IFT80: variants seen among roughly 807,000 people sequenced by gnomAD.
IFT80 encodes intraflagellar transport 80, also known as intraflagellar transport protein 80 homolog.
In IFT80, 79 loss-of-function variants were observed where a neutral mutation model predicts 107.9. That is an observed-to-expected ratio of 0.73 (90% CI 0.61 to 0.88). The LOEUF (loss-of-function observed/expected upper bound fraction) is 0.88. IFT80 is among the 40% of genes least tolerant of loss of function. The pLI, the probability that IFT80 is intolerant of heterozygous loss-of-function variation, is 0.00. For synonymous variants in IFT80, 299 were observed against 300.9 expected (o/e 0.99, Z 0.07); for missense variants, 797 against 914.2 (o/e 0.87, Z 1.65).
At chr3:160,295,596 C>T (rs1001311664) in intron 12 of IFT80, among the ~76,000 whole-genome samples, 3 of 151,130 alleles carry the variant, frequency 2.0e-5, no homozygotes, top group Non-Finnish European at 4.4e-5. Context: ...GAGACCCCAT[C>T]TCAAAAAAAA....
chr3:160,330,067 TGGAGA>T lies in IFT80; in HGVS notation c.778-10133_778-10129del, dbSNP rs557882052. On this transcript the variant is annotated intron_variant, in intron 8 of 19. Transcript: ENST00000326448. ...CCCCAAGCTATTGAATCTGAATCTC[TGGAGA>T]GGAGAGACAGGAAGCTTTTAACAAG... is the stretch of plus-strand genomic sequence containing the variant. Among the ~76,000 whole-genome samples, 442 of 152,346 alleles carry T rather than the reference TGGAGA, an allele frequency of 2.9e-3. 2 individuals are homozygous for T. The highest frequency in any genetic ancestry group is 0.01 in the African/African-American group (427 of 41,574).
At chr3:160,292,062 G>A (rs1715600240) in intron 12 of IFT80, among the ~76,000 whole-genome samples, 1 of 152,192 alleles carries the variant, frequency 6.6e-6, no homozygotes. Flanking sequence ...CTCAGAGGAA[G>A]GCCCTACACA....
At chr3:160,291,686 G>A (rs1323576538) in intron 12 of IFT80, among the ~76,000 whole-genome samples, 3 of 152,180 alleles carry the variant, frequency 2.0e-5, no homozygotes, top group African/African-American at 7.2e-5. Context: ...GCAGGCCATG[G>A]TCACATGGTC....
intron 19 of IFT80, among the ~76,000 whole-genome samples, chr3:160,263,397 A>G (rs1333845456): frequency 6.6e-6 from 1 of 152,106 alleles, no homozygotes. Context: ...CATTCTCTTG[A>G]TTACAAATCT....
intron 5 of IFT80, among the ~76,000 whole-genome samples, chr3:160,375,160 TA>T (rs1452352450): frequency 7.2e-5 from 11 of 152,258 alleles, no homozygotes; most frequent in African/African-American, 2.6e-4. Context: ...CATACTCAGG[TA>T]AACATTAAAA....
Position 160,291,584 on chromosome 3 carries a change from G to A in IFT80, c.1316-5716C>T, listed in dbSNP as rs556984258. ...GAACATACAACATTTTATTTGTAAG[G>A]CCATTCCTCTGACAGAAGAAGGTGA... On this transcript the variant is annotated intron_variant, in intron 12 of 19. Coordinates refer to ENST00000326448, the MANE Select transcript of IFT80 (RefSeq NM_020800.3). Among the ~76,000 whole-genome samples, 18 of 152,288 alleles carry A rather than the reference G, an allele frequency of 1.2e-4. No individual in the cohort carries two copies. In the South Asian group the frequency reaches 3.5e-3, roughly 30 times the overall value.
At chr3:160,264,462 G>A (rs1425576142) in intron 19 of IFT80, among the ~76,000 whole-genome samples, 2 of 151,320 alleles carry the variant, frequency 1.3e-5, no homozygotes, top group Non-Finnish European at 2.9e-5. Flanking sequence ...TCATTCTGTG[G>A]CCCAGGTTGG....
At chr3:160,374,061 C>A (rs918255001) in intron 5 of IFT80, among the ~76,000 whole-genome samples, 5 of 152,076 alleles carry the variant, frequency 3.3e-5, no homozygotes, top group Admixed American at 3.3e-4. Context: ...AATGGTGAAT[C>A]CACAGGTAGT....
In IFT80 at chr3:160,359,410, G is replaced by A. The variant is rs138495813; in HGVS notation, c.550-1832C>T. Among the ~76,000 whole-genome samples, 539 of 152,280 alleles carry A rather than the reference G, an allele frequency of 3.5e-3. 2 individuals carry two copies. The highest frequency in any genetic ancestry group is 0.012 in the African/African-American group (507 of 41,562). On this transcript the variant is annotated intron_variant, in intron 6 of 19. Transcript: ENST00000326448. Reference sequence around the variant, plus strand: ...GGCTGAATAGGAATAGCTCTGGTCTGCAGCTCCCAGTGTGATCGACACAGA... The same window carrying A: ...GGCTGAATAGGAATAGCTCTGGTCTACAGCTCCCAGTGTGATCGACACAGA...
chr3:160,259,804 T>C (rs1301608850), intron 19 of IFT80, among the ~76,000 whole-genome samples: 1 of 152,206 alleles, frequency 6.6e-6, no homozygotes, highest in Non-Finnish European at 1.5e-5. Flanking sequence ...ATGTTTATCC[T>C]TTCTGAGGCA....
At chr3:160,371,527 A>T (rs942696498) in intron 5 of IFT80, among the ~76,000 whole-genome samples, 7 of 152,052 alleles carry the variant, frequency 4.6e-5, no homozygotes, top group Non-Finnish European at 7.4e-5. Context: ...CTGTAGCCCC[A>T]ACGCCCACGG....
At chr3:160,340,299 T>C (rs1464567050) in intron 8 of IFT80, among the ~76,000 whole-genome samples, 1 of 152,152 alleles carries the variant, frequency 6.6e-6, no homozygotes, top group East Asian at 1.9e-4. Flanking sequence ...TACAAAGATA[T>C]AGTTTGTATC....
chr3:160,313,136 A>G (rs1717541386), intron 9 of IFT80, among the ~76,000 whole-genome samples: 1 of 130,120 alleles, frequency 7.7e-6, no homozygotes. Context: ...TGGTGCCAAA[A>G]GTATGTCTCT....
intron 8 of IFT80, among the ~76,000 whole-genome samples, chr3:160,332,619 C>G (rs1433770057): frequency 6.6e-6 from 1 of 152,124 alleles, no homozygotes; most frequent in Non-Finnish European, 1.5e-5. Flanking sequence ...AGGGGCAAGA[C>G]AACAAAATGG....
intron 8 of IFT80, among the ~76,000 whole-genome samples, chr3:160,338,306 G>C (rs925012072): frequency 6.6e-6 from 1 of 152,124 alleles, no homozygotes; most frequent in African/African-American, 2.4e-5. Flanking sequence ...CAACTGCACA[G>C]AAAAATTTGC....
intron 2 of IFT80, 140 bp from the exon 3 acceptor site, chr3:160,381,864 G>A: frequency 7.4e-6 from 5 of 676,578 alleles, no homozygotes; most frequent in East Asian, 2.7e-5. Context: ...TTTTATGACT[G>A]GTATTTTTTT....
chr3:160,284,222 T>G (rs1282746136), intron 13 of IFT80, among the ~76,000 whole-genome samples: 1 of 152,046 alleles, frequency 6.6e-6, no homozygotes, highest in African/African-American at 2.4e-5. Flanking sequence ...AATTAAATTA[T>G]TTTAATTGTA....
intron 1 of IFT80, 103 bp downstream of exon 1, chr3:160,399,043 T>C (rs1473062557): frequency 1.3e-5 from 2 of 152,240 alleles, no homozygotes; most frequent in Non-Finnish European, 2.9e-5. Flanking sequence ...CAGAAAATGA[T>C]GCTCCACGAA....
At position 160,386,173 on chromosome 3, in the gene IFT80, A is replaced by G. The variant is rs867741744; in HGVS notation, c.-46-1527T>C. 5.9e-5 allele frequency among the ~76,000 whole-genome samples: 9 copies of G among 152,226 alleles called. No homozygotes were observed. In the South Asian group the frequency reaches 1.2e-3, roughly 21 times the overall value. ...GCCAAGGAATCAGAGAAAGTAAGAC[A>G]ATGGCATTCTAACACTGGGAAGATT... On this transcript the variant is annotated intron_variant, in intron 1 of 19. Coordinates refer to ENST00000326448, the MANE Select transcript of IFT80 (RefSeq NM_020800.3).
Sources: gnomAD v4.1 joint callset for allele counts (sites outside exome capture counted in the v4.1 genomes callset) on GRCh38, gnomAD v4.1.1 for gene constraint, MANE v1.5 for transcripts, NCBI Gene and HGNC (gene_info 2026-07-23, HGNC 2026-07-21) for gene names.